The following MARK3 variants were observed in gnomAD, a reference collection of about 807,000 sequenced individuals.
MARK3 encodes the protein microtubule affinity regulating kinase 3, also known as MAP/microtubule affinity-regulating kinase 3.
In MARK3, 46 loss-of-function variants were observed where a neutral mutation model predicts 90.1. That is an observed-to-expected ratio of 0.51 (90% CI 0.40 to 0.65). MARK3 has a LOEUF of 0.65. Ranked by LOEUF, MARK3 falls within the 30% of genes least tolerant of loss-of-function variation. The pLI, the probability that MARK3 is intolerant of heterozygous loss-of-function variation, is 0.00. For synonymous variants in MARK3, 321 were observed against 332.6 expected, an observed-to-expected ratio of 0.97 and a Z score of 0.38; for missense variants, 818 against 947.2, an observed-to-expected ratio of 0.86 and a Z score of 1.79.
At chr14:103,408,025 C>A (rs192830351) in intron 2 of MARK3, among the ~76,000 whole-genome samples, 62 of 152,276 alleles carry the variant, frequency 4.1e-4, no homozygotes, top group African/African-American at 1.3e-3. Flanking sequence ...TTATATGGCA[C>A]AATTTACATT....
At chr14:103,423,455 A>G (rs2092296883) in intron 2 of MARK3, among the ~76,000 whole-genome samples, 1 of 152,156 alleles carries the variant, frequency 6.6e-6, no homozygotes, top group Non-Finnish European at 1.5e-5. Flanking sequence ...AGAAATTTCC[A>G]CAGCAAGTGG....
intron 3 of MARK3, among the ~76,000 whole-genome samples, chr14:103,430,027 C>T (rs1164572681): frequency 2.0e-5 from 3 of 151,994 alleles, no homozygotes; most frequent in African/African-American, 2.4e-5. Flanking sequence ...TGCTGCTCTT[C>T]GTTTATTATT....
rs1326616482 is a variant in MARK3 at position 103,419,178 on chromosome 14, G to T, written c.244-9209G>T. Among the ~76,000 whole-genome samples the T allele has an allele frequency of 2.0e-5, 3 of 152,116 alleles. No individual in the cohort carries two copies. In the South Asian group the frequency reaches 6.2e-4, roughly 32 times the overall value. On this transcript the variant is annotated intron_variant, in intron 2 of 17. Coordinates refer to ENST00000429436, the MANE Select transcript of MARK3 (RefSeq NM_001128918.3). Reference sequence around the variant, plus strand: ...GTGGTGGCGGGCGCCTGTAGTCCCAGCTACCAGGAGGCTGAGGTGGGAGAA... The same window carrying T: ...GTGGTGGCGGGCGCCTGTAGTCCCATCTACCAGGAGGCTGAGGTGGGAGAA...
At chr14:103,405,922 G>T (rs1236864532) in intron 2 of MARK3, among the ~76,000 whole-genome samples, 2 of 151,666 alleles carry the variant, frequency 1.3e-5, no homozygotes, top group Non-Finnish European at 2.9e-5. Context: ...ACAGGGCCTT[G>T]CCCTGTCACC....
chr14:103,386,194 A>G, intron 1 of MARK3, 114 bp downstream of exon 1: 1 of 1,027,540 alleles, frequency 9.7e-7, no homozygotes, highest in East Asian at 2.4e-5. Flanking sequence ...AATAGAGGGC[A>G]GGCCGTAGTC....
intron 13 of MARK3, among the ~76,000 whole-genome samples, chr14:103,475,642 G>A (rs1218791273): frequency 1.3e-5 from 2 of 152,112 alleles, no homozygotes; most frequent in Non-Finnish European, 2.9e-5. Flanking sequence ...ACCCCCTCAA[G>A]CCCTTCTATA....
At position 103,462,421 on chromosome 14, in the gene MARK3, A is replaced by C; in HGVS notation, c.500A>C (p.Gln167Pro). ...CCTATTCAGATTGTGTCTGCAGTTC[A>C]ATACTGCCATCAGAAACGGATCGTA... Reference protein sequence around the residue: ...SKFRQIVSAVQYCHQKRIVHR... With the variant: ...SKFRQIVSAVPYCHQKRIVHR... Residue 167 changes from glutamine to proline, a missense_variant, in exon 7 of 18, where the codon CAA becomes CCA. Physicochemically the swap from Gln to Pro is moderately conservative, Grantham distance 76. Around this residue, in one of 3 missense-constraint regions of MARK3, gnomAD observed 101 missense variants for 175.1 expected, o/e 0.58. Transcript: ENST00000429436. 6.2e-7 allele frequency: 1 copy of C among 1,603,974 alleles called. No individual in the cohort carries two copies. Among genetic ancestry groups the C allele is most frequent in the African/African-American group, 1.3e-5 (1 of 74,908 alleles).
chr14:103,415,150 CAAAAAAAA>C (rs34245934), intron 2 of MARK3, among the ~76,000 whole-genome samples: 8 of 37,706 alleles, frequency 2.1e-4, no homozygotes, highest in South Asian at 1.9e-3. Flanking sequence ...GACCTTGTCT[CAAAAAAAA>C]AAAAAAAAAA....
chr14:103,452,471 C>CTTTTTTTTTTTTTTTTTCTTTTT (rs2093170738), intron 5 of MARK3, among the ~76,000 whole-genome samples: 1 of 97,472 alleles, frequency 1.0e-5, no homozygotes, highest in Non-Finnish European at 2.2e-5. Flanking sequence ...CAGGATTTGT[C>CTTTTTTTTTTTTTTTTTCTTTTT]TTTTTTTTTT....
rs71126026 is a variant in MARK3 at position 103,452,471 on chromosome 14, C to CTTTTTTTTTTTTTTTTTTTTTTTTTTTT, written c.412+506_412+507insTTTTTTTTTTTTTTTTTTTTTTTTTTTT. Among the ~76,000 whole-genome samples, 10 of 97,474 alleles carry CTTTTTTTTTTTTTTTTTTTTTTTTTTTT rather than the reference C, an allele frequency of 1.0e-4. 3 individuals carry two copies. The highest frequency in any genetic ancestry group is 2.0e-4 in the Non-Finnish European group (9 of 44,460). 63.9% of individuals were successfully genotyped at this position (97,474 alleles called of 152,430 possible). A position where few individuals can be genotyped will look rare whatever the true frequency, so the allele number is the denominator to read the frequency against. ...ACAAGTGGAATTTTACAGGATTTGT[C>CTTTTTTTTTTTTTTTTTTTTTTTTTTTT]TTTTTTTTTTTTTTTTTTGAGACGG... On this transcript the variant is annotated intron_variant, in intron 5 of 17. Coordinates refer to ENST00000429436, the MANE Select transcript of MARK3 (RefSeq NM_001128918.3).
intron 14 of MARK3, chr14:103,491,302 A>G (rs1018045982): frequency 3.0e-5 from 7 of 230,828 alleles, no homozygotes; most frequent in Non-Finnish European, 5.0e-5. Flanking sequence ...TTCGCGTACT[A>G]CAAAATGTAT....
In MARK3 at chr14:103,497,664, A is replaced by G. The variant is rs192922976; in HGVS notation, c.1845-838A>G. 5.2e-4 allele frequency among the ~76,000 whole-genome samples: 79 copies of G among 152,252 alleles called. No homozygotes were observed. The East Asian group carries it at 0.01, about 20-fold the overall frequency. ...AAAAGTCTACTTGTTTAAATCCCCA[A>G]TCACCTATTTTTTTCTTAAAAAGTG... On this transcript the variant is annotated intron_variant, in intron 15 of 17. Transcript: ENST00000429436.
At chr14:103,420,911 A>G (rs989321908) in intron 2 of MARK3, among the ~76,000 whole-genome samples, 3 of 150,874 alleles carry the variant, frequency 2.0e-5, no homozygotes, top group African/African-American at 7.3e-5. Context: ...CTTTTTTTTC[A>G]TTTTTGTACT....
At chr14:103,452,628 C>T (rs774795526) in intron 5 of MARK3, among the ~76,000 whole-genome samples, 45 of 151,002 alleles carry the variant, frequency 3.0e-4, no homozygotes, top group Middle Eastern at 3.4e-3. Flanking sequence ...CCCGCTACTA[C>T]GCCCGGCTAA....
intron 6 of MARK3, among the ~76,000 whole-genome samples, chr14:103,460,103 T>TTTTTTG (rs1338684666): frequency 4.5e-5 from 5 of 110,408 alleles, no homozygotes; most frequent in African/African-American, 1.8e-4. Context: ...TTTTTTTTTT[T>TTTTTTG]TGAGACAAAT....
At chr14:103,392,493 CTT>C (rs1269006338) in intron 1 of MARK3, among the ~76,000 whole-genome samples, 2 of 152,106 alleles carry the variant, frequency 1.3e-5, no homozygotes, top group African/African-American at 4.8e-5. Context: ...GGGGACCACT[CTT>C]AAGAATCACT....
At position 103,385,916 on chromosome 14, in the gene MARK3, C is replaced by T. The variant is rs905104758; in HGVS notation, c.-114C>T. On this transcript the variant is annotated 5_prime_UTR_variant, in exon 1 of 18. Transcript: ENST00000429436. ...GCCGTAGGGGGAAGGGAGCCGCCCT[C>T]CCCACGGCGCCTTTTCGGAACTGCC... is the stretch of plus-strand genomic sequence containing the variant. 2.4e-6 allele frequency: 2 copies of T among 826,562 alleles called. No individual in the cohort carries two copies. The highest frequency in any genetic ancestry group is 4.2e-6 in the Non-Finnish European group (2 of 476,506). The allele number at this position is 826,562 out of a possible 1,614,324, so 51.2% of individuals were successfully genotyped here.
intron 1 of MARK3, among the ~76,000 whole-genome samples, chr14:103,390,275 G>A (rs776925556): frequency 7.2e-4 from 110 of 152,202 alleles, no homozygotes; most frequent in African/African-American, 2.3e-3. Context: ...TTGCTGCATC[G>A]TGTTATAGCT....
intron 13 of MARK3, among the ~76,000 whole-genome samples, chr14:103,479,689 A>G (rs1015085593): frequency 2.2e-5 from 3 of 133,940 alleles, no homozygotes; most frequent in Non-Finnish European, 4.6e-5. Flanking sequence ...CTGGAGTGCA[A>G]TGGTGCGATC....
Sources: allele counts gnomAD v4.1 joint callset (sites outside exome capture counted in the v4.1 genomes callset), GRCh38; gene constraint gnomAD v4.1.1; regional missense constraint gnomAD v4.1.1; transcripts MANE v1.5; gene names NCBI Gene and HGNC (gene_info 2026-07-23, HGNC 2026-07-21).